Variants in DEPTOR observed in about 807,000 individuals in gnomAD.
DEPTOR encodes DEP domain containing MTOR interacting protein.
Under a neutral mutation model 41.6 loss-of-function variants are expected in DEPTOR, and 41 were observed. The observed-to-expected ratio is 0.98, with a 90% CI of 0.77 to 1.28. The LOEUF is 1.28. Ranked by LOEUF, DEPTOR falls within the 50% of genes most tolerant of loss-of-function variation. DEPTOR has a pLI of 0.00. For missense variants in DEPTOR, 514 were observed against 527.9 expected, an observed-to-expected ratio of 0.97 and a Z score of 0.26; for synonymous variants, 195 against 192.3, an observed-to-expected ratio of 1.01 and a Z score of -0.12.
At chr8:119,903,566 C>T (rs959851664) in intron 1 of DEPTOR, among the ~76,000 whole-genome samples, 5 of 152,104 alleles carry the variant, frequency 3.3e-5, no homozygotes, top group Non-Finnish European at 7.4e-5. Flanking sequence ...TGATCTAATC[C>T]AGCTCCTTTA....
intron 1 of DEPTOR, among the ~76,000 whole-genome samples, chr8:119,926,443 A>G (rs575522207): frequency 6.6e-6 from 1 of 152,336 alleles, no homozygotes; most frequent in East Asian, 1.9e-4. Flanking sequence ...TATATCCCCC[A>G]TAAGGTTGTC....
intron 1 of DEPTOR, among the ~76,000 whole-genome samples, chr8:119,914,304 A>C (rs2129796711): frequency 6.6e-6 from 1 of 151,784 alleles, no homozygotes; most frequent in South Asian, 2.1e-4. Flanking sequence ...GGCCTCCCAA[A>C]GTGCTGGAAT....
intron 3 of DEPTOR, among the ~76,000 whole-genome samples, chr8:119,958,226 A>C (rs1828443845): frequency 6.6e-6 from 1 of 152,156 alleles, no homozygotes; most frequent in African/African-American, 2.4e-5. Context: ...CTGGGCTGGA[A>C]GGTCCAGGAT....
intron 6 of DEPTOR, among the ~76,000 whole-genome samples, chr8:120,005,715 A>C (rs1229860547): frequency 6.6e-6 from 1 of 152,124 alleles, no homozygotes; most frequent in Non-Finnish European, 1.5e-5. Context: ...GGAGGATACG[A>C]CAGCCCCTCT....
chr8:119,901,620 C>G (rs7465609), intron 1 of DEPTOR, among the ~76,000 whole-genome samples: 74,839 of 149,818 alleles, frequency 0.5, 20,243 homozygotes, highest in East Asian at 0.92. Context: ...AGGTTGCAGT[C>G]AGCCGAGATT....
intron 8 of DEPTOR, among the ~76,000 whole-genome samples, chr8:120,025,359 T>A (rs915012464): frequency 5.0e-4 from 75 of 150,328 alleles, no homozygotes; most frequent in African/African-American, 1.8e-3. Flanking sequence ...CCACCCACCA[T>A]TTTTTTTTTC....
chr8:120,004,136 A>G (rs1812397854), intron 6 of DEPTOR, among the ~76,000 whole-genome samples: 1 of 152,234 alleles, frequency 6.6e-6, no homozygotes, highest in Admixed American at 6.5e-5. Flanking sequence ...AAAAAAACAA[A>G]ACATTTCATG....
At chr8:119,938,732 A>G (rs1460991479) in intron 3 of DEPTOR, among the ~76,000 whole-genome samples, 2 of 151,946 alleles carry the variant, frequency 1.3e-5, no homozygotes, top group African/African-American at 4.8e-5. Flanking sequence ...TTGGTCTCAG[A>G]GTTCTGGCCT....
rs770570095 is a variant in DEPTOR, at chr8:119,877,759, TG to T, written c.122+3794del. ...GTCCTAAGCATCCTTCCCTACAGAA[TG>T]GGAATAATATCTTCCCACATAAGAT... is the stretch of plus-strand genomic sequence containing the variant. On this transcript the variant is annotated intron_variant, in intron 1 of 8. Transcript: ENST00000286234. Among the ~76,000 whole-genome samples the T allele has an allele frequency of 5.7e-4, 87 of 152,200 alleles. 3 individuals carry two copies. Among genetic ancestry groups the T allele is most frequent in the Non-Finnish European group, 1.6e-4 (11 of 68,036 alleles).
intron 4 of DEPTOR, among the ~76,000 whole-genome samples, chr8:119,990,449 C>G (rs926195213): frequency 6.6e-6 from 1 of 152,204 alleles, no homozygotes; most frequent in Non-Finnish European, 1.5e-5. Flanking sequence ...AGCCACCATG[C>G]CCGGCCACCC....
intron 4 of DEPTOR, among the ~76,000 whole-genome samples, chr8:119,976,915 C>T (rs1409901620): frequency 3.3e-5 from 5 of 152,172 alleles, no homozygotes; most frequent in African/African-American, 4.8e-5. Context: ...AAAATGAGTG[C>T]TTGGCAGGCT....
At chr8:119,928,347 A>G (rs764904230) in intron 1 of DEPTOR, 53 bp from the exon 2 acceptor site, 19 of 1,576,676 alleles carry the variant, frequency 1.2e-5, no homozygotes, top group Non-Finnish European at 1.6e-5. Context: ...GATTGGTTTA[A>G]TAATTTGTGC....
intron 4 of DEPTOR, among the ~76,000 whole-genome samples, chr8:119,994,165 A>G (rs1260611970): frequency 1.3e-5 from 2 of 152,064 alleles, no homozygotes; most frequent in Non-Finnish European, 2.9e-5. Context: ...GAAAAAAAAA[A>G]TCAGGCTGAG....
At chr8:119,981,665 A>AG (rs1445818483) in intron 4 of DEPTOR, among the ~76,000 whole-genome samples, 23 of 151,514 alleles carry the variant, frequency 1.5e-4, no homozygotes, top group Non-Finnish European at 2.9e-4. Flanking sequence ...AAAAAAAAAA[A>AG]AAATGTAGTT....
chr8:119,953,929 C>T (rs557537935), intron 3 of DEPTOR, among the ~76,000 whole-genome samples: 89 of 151,636 alleles, frequency 5.9e-4, no homozygotes, highest in Non-Finnish European at 1.0e-3. Context: ...CTCAACCTCC[C>T]GAGTATCTGA....
At chr8:119,888,240 A>G (rs1827399084) in intron 1 of DEPTOR, among the ~76,000 whole-genome samples, 1 of 152,174 alleles carries the variant, frequency 6.6e-6, no homozygotes, top group Non-Finnish European at 1.5e-5. Flanking sequence ...CAACTCCTCC[A>G]AATAGAATAA....
At chr8:120,019,116 C>A (rs148639382) in intron 8 of DEPTOR, among the ~76,000 whole-genome samples, 33 of 152,134 alleles carry the variant, frequency 2.2e-4, no homozygotes, top group South Asian at 8.3e-4. Context: ...ACCAGCCTGG[C>A]CAACATGGCG....
chr8:119,921,927 A>T (rs1827901354), intron 1 of DEPTOR, among the ~76,000 whole-genome samples: 1 of 151,822 alleles, frequency 6.6e-6, no homozygotes, highest in Non-Finnish European at 1.5e-5. Flanking sequence ...CACCCGGCTA[A>T]TTATTTTGTA....
intron 1 of DEPTOR, among the ~76,000 whole-genome samples, chr8:119,905,647 T>C (rs1827652948): frequency 8.3e-6 from 1 of 119,990 alleles, no homozygotes; most frequent in African/African-American, 3.0e-5. Context: ...TTTTTTTTTT[T>C]TGAGACAGAG....
Sources: allele counts gnomAD v4.1 joint callset (sites outside exome capture counted in the v4.1 genomes callset), GRCh38; gene constraint gnomAD v4.1.1; transcripts MANE v1.5; gene names NCBI Gene and HGNC (gene_info 2026-07-23, HGNC 2026-07-21).